Variants in ZKSCAN2 observed in about 807,000 individuals in gnomAD.
ZKSCAN2 encodes the protein zinc finger protein with KRAB and SCAN domains 2.
ZKSCAN2 carries 38 observed loss-of-function variants against 90.5 expected under a neutral mutation model. The observed-to-expected ratio is 0.42, with a 90% CI of 0.32 to 0.55. ZKSCAN2 has a LOEUF of 0.55. Ranked by LOEUF, ZKSCAN2 falls within the 20% of genes least tolerant of loss-of-function variation. ZKSCAN2 has a pLI of 0.11. For missense variants in ZKSCAN2, 1,167 were observed against 1,202.6 expected (o/e 0.97, Z 0.44); for synonymous variants, 429 against 421.6 (o/e 1.02, Z -0.22).
chr16:25,250,099 A>T (rs1962998633), intron 4 of ZKSCAN2, among the ~76,000 whole-genome samples: 1 of 152,226 alleles, frequency 6.6e-6, no homozygotes, highest in Admixed American at 6.5e-5. Context: ...TCACAAGGTC[A>T]GGAGTTCGAG....
rs948426600 is a variant in ZKSCAN2 at position 25,236,774 on chromosome 16, G to C, written c.*3042C>G. The C allele has an allele frequency of 2.3e-4, 35 of 152,186 alleles. No homozygotes were observed. Among genetic ancestry groups the C allele is most frequent in the African/African-American group, 8.0e-4 (33 of 41,440 alleles). 9.4% of individuals were successfully genotyped at this position (152,186 alleles called of 1,614,324 possible). A position where few individuals can be genotyped will look rare whatever the true frequency, so the allele number is the denominator to read the frequency against. On this transcript the variant is annotated 3_prime_UTR_variant, in exon 7 of 7. Coordinates refer to ENST00000328086, the MANE Select transcript of ZKSCAN2 (RefSeq NM_001012981.5). ...ATAACATCACTGGTAAGAACTGGAG[G>C]TATTTGTGGCAGTAACAAAGCAAGC...
intron 3 of ZKSCAN2, 107 bp from the exon 4 acceptor site, chr16:25,252,142 G>A (rs1963030777): frequency 7.8e-7 from 1 of 1,282,188 alleles, no homozygotes; most frequent in Non-Finnish European, 1.1e-6. Context: ...TGAAATCAAG[G>A]AACAAGTGGA....
intron 1 of ZKSCAN2, among the ~76,000 whole-genome samples, chr16:25,255,884 G>C (rs1963094248): frequency 6.6e-6 from 1 of 152,128 alleles, no homozygotes; most frequent in Non-Finnish European, 1.5e-5. Context: ...CGCCTGGCCA[G>C]AATAATATTT....
chr16:25,248,945 T>C (rs549170280), intron 4 of ZKSCAN2, among the ~76,000 whole-genome samples: 24 of 152,358 alleles, frequency 1.6e-4, no homozygotes, highest in Middle Eastern at 3.4e-3. Flanking sequence ...GGAATATTAT[T>C]CTGCCTTAAA....
rs1023947972 is a variant in ZKSCAN2 at position 25,237,058 on chromosome 16, C to A, written c.*2758G>T. 3 of 148,442 alleles carry A rather than the reference C, an allele frequency of 2.0e-5. No individual in the cohort carries two copies. Among genetic ancestry groups the A allele is most frequent in the African/African-American group, 7.8e-5 (3 of 38,572 alleles). The allele number at this position is 148,442 out of a possible 1,614,324, so 9.2% of individuals were successfully genotyped here. A position where few individuals can be genotyped will look rare whatever the true frequency, so the allele number is the denominator to read the frequency against. ...GTGTTTGTAATACATACATACAGAT[C>A]TACACACACATGTAGACGTGTGTGT... On this transcript the variant is annotated 3_prime_UTR_variant, in exon 7 of 7. Transcript: ENST00000328086.
At chr16:25,249,450 AT>A (rs1962986625) in intron 4 of ZKSCAN2, among the ~76,000 whole-genome samples, 1 of 152,048 alleles carries the variant, frequency 6.6e-6, no homozygotes, top group African/African-American at 2.4e-5. Context: ...CACCTGGCTA[AT>A]TTTTGTATTT....
At chr16:25,241,663 G>A (rs1042913489) in intron 6 of ZKSCAN2, among the ~76,000 whole-genome samples, 2 of 152,160 alleles carry the variant, frequency 1.3e-5, no homozygotes, top group Admixed American at 6.5e-5. Flanking sequence ...TTCACAAGCT[G>A]TGCAACTTAG....
chr16:25,257,450 C>G lies in ZKSCAN2; in HGVS notation c.-323G>C, dbSNP rs1247886021. The G allele has an allele frequency of 9.5e-7, 1 of 1,053,838 alleles. No homozygotes were observed. The allele number at this position is 1,053,838 out of a possible 1,614,324, so 65.3% of individuals were successfully genotyped here. ...ACGACTGGGAGAAAAATGAAGCAGG[C>G]TGAGGAAAGGCTGGGCGGAGGCGGA... On this transcript the variant is annotated 5_prime_UTR_variant, in exon 1 of 7. Coordinates refer to ENST00000328086, the MANE Select transcript of ZKSCAN2 (RefSeq NM_001012981.5).
chr16:25,240,651 G>T lies in ZKSCAN2; in HGVS notation c.2069C>A (p.Ser690Tyr), dbSNP rs766949580. The change falls in exon 7 of 7, where the codon TCT (serine) becomes TAT (tyrosine). Residue 690 changes from serine to tyrosine, a missense_variant. By Grantham distance (144) the Ser-to-Tyr change is moderately radical. Coordinates refer to ENST00000328086, the MANE Select transcript of ZKSCAN2 (RefSeq NM_001012981.5). ...MEQHRALIEKSKRVVSQSTDP... is the reference protein window; with the variant it reads ...MEQHRALIEKYKRVVSQSTDP... ...GGTACTCTGGGAAACAACTCTTTTA[G>T]ACTTTTCTATTAATGCCCTATGCTG... is the stretch of plus-strand genomic sequence containing the variant. 2 of 1,614,094 alleles carry T rather than the reference G, an allele frequency of 1.2e-6. No homozygotes were observed. The highest frequency in any genetic ancestry group is 1.1e-5 in the South Asian group (1 of 91,080).
Position 25,257,251 on chromosome 16 carries a change from G to A in ZKSCAN2, c.-124C>T. On this transcript the variant is annotated 5_prime_UTR_variant, in exon 1 of 7. Transcript: ENST00000328086. ...TACGGAGGTAAAAACGGCCAGGTCG[G>A]CAGGAACAGGGTATTCCAGGCTGAT... is the stretch of plus-strand genomic sequence containing the variant. 6.7e-7 allele frequency: 1 copy of A among 1,492,772 alleles called. No individual in the cohort carries two copies. Among genetic ancestry groups the A allele is most frequent in the Non-Finnish European group, 8.9e-7 (1 of 1,129,250 alleles). 92.5% of individuals were successfully genotyped at this position (1,492,772 alleles called of 1,614,324 possible). A position where few individuals can be genotyped will look rare whatever the true frequency, so the allele number is the denominator to read the frequency against.
At chr16:25,242,388 C>T (rs1336669924) in intron 6 of ZKSCAN2, among the ~76,000 whole-genome samples, 1 of 152,154 alleles carries the variant, frequency 6.6e-6, no homozygotes, top group Non-Finnish European at 1.5e-5. Context: ...CATATATATA[C>T]TAAGCTAGAG....
rs371494603 is a variant in ZKSCAN2 at position 25,242,322 on chromosome 16, G to A, written c.1981+1463C>T. On this transcript the variant is annotated intron_variant, in intron 6 of 6. Coordinates refer to ENST00000328086, the MANE Select transcript of ZKSCAN2 (RefSeq NM_001012981.5). ...AAGATTCACAAGGACTTTGTTTCCAGTTATCAAAGCCAGGGTTCTACAGGA... is the reference window on the plus strand; with the variant it reads ...AAGATTCACAAGGACTTTGTTTCCAATTATCAAAGCCAGGGTTCTACAGGA... 5.3e-5 allele frequency among the ~76,000 whole-genome samples: 8 copies of A among 152,324 alleles called. 1 individual carries two copies.
Position 25,251,932 on chromosome 16 carries a change from T to C in ZKSCAN2, c.782A>G (p.Asn261Ser). The change falls in exon 4 of 7, where the codon AAT becomes AGT. Residue 261 changes from asparagine to serine, a missense_variant. Coordinates refer to ENST00000328086, the MANE Select transcript of ZKSCAN2 (RefSeq NM_001012981.5). ...RDLYRDFRKE[N>S]VGNVVSLGSA... Reference sequence around the variant, plus strand: ...ACCCAGGGAGACCACGTTCCCAACATTCTCCTTCCTGAAATCCCGGTAGAG... The same window carrying C: ...ACCCAGGGAGACCACGTTCCCAACACTCTCCTTCCTGAAATCCCGGTAGAG... The C allele has an allele frequency of 6.2e-7, 1 of 1,614,154 alleles. No homozygotes were observed. The highest frequency in any genetic ancestry group is 8.5e-7 in the Non-Finnish European group (1 of 1,179,998).
intron 2 of ZKSCAN2, among the ~76,000 whole-genome samples, chr16:25,254,383 C>A (rs894085479): frequency 1.3e-5 from 2 of 152,204 alleles, no homozygotes; most frequent in Admixed American, 1.3e-4. Context: ...ATGTGCAGGG[C>A]AGCTATGAAT....
rs753440463 is a variant in ZKSCAN2, at chr16:25,240,673, G to T, written c.2047C>A (p.His683Asn). ...TTAGACTTTTCTATTAATGCCCTAT[G>T]CTGTTCCATGTCCTTATATACTATC... ...TQIVYKDMEQ[H>N]RALIEKSKRV... The change falls in exon 7 of 7, where the codon CAT (histidine) becomes AAT (asparagine). Residue 683 changes from histidine to asparagine, a missense_variant. By Grantham distance (68) the His-to-Asn change is moderately conservative. Coordinates refer to ENST00000328086, the MANE Select transcript of ZKSCAN2 (RefSeq NM_001012981.5). 3.1e-6 allele frequency: 5 copies of T among 1,614,082 alleles called. No homozygotes were observed. The highest frequency in any genetic ancestry group is 4.2e-6 in the Non-Finnish European group (5 of 1,179,998).
chr16:25,242,233 C>T (rs910222588), intron 6 of ZKSCAN2, among the ~76,000 whole-genome samples: 45 of 152,152 alleles, frequency 3.0e-4, no homozygotes, highest in Non-Finnish European at 4.0e-4. Context: ...GAAGTCACAA[C>T]CTAGGAGTTG....
intron 4 of ZKSCAN2, among the ~76,000 whole-genome samples, chr16:25,248,339 C>T (rs1387970702): frequency 1.2e-5 from 1 of 86,304 alleles, no homozygotes; most frequent in Non-Finnish European, 2.6e-5. Flanking sequence ...AAACAGTCAA[C>T]AAAGTGATGA....
intron 5 of ZKSCAN2, among the ~76,000 whole-genome samples, chr16:25,246,115 T>C (rs898460534): frequency 6.6e-6 from 1 of 152,214 alleles, no homozygotes; most frequent in African/African-American, 2.4e-5. Flanking sequence ...ATATTTAAGG[T>C]GGATCTCTTA....
Position 25,240,693 on chromosome 16 carries a change from A to G in ZKSCAN2, c.2027T>C (p.Val676Ala). ...SSIKEDPTQI[V>A]YKDMEQHRAL... ...CCTATGCTGTTCCATGTCCTTATAT[A>G]CTATCTGTGTTGGATCCTCCTTGAT... The change falls in exon 7 of 7, where the codon GTA becomes GCA. Residue 676 changes from valine to alanine, a missense_variant. By Grantham distance (64) the Val-to-Ala change is moderately conservative. Transcript: ENST00000328086. 6.2e-7 allele frequency: 1 copy of G among 1,613,968 alleles called. No homozygotes were observed. The highest frequency in any genetic ancestry group is 8.5e-7 in the Non-Finnish European group (1 of 1,179,900).
Sources: allele counts gnomAD v4.1 joint callset (sites outside exome capture counted in the v4.1 genomes callset), GRCh38; gene constraint gnomAD v4.1.1; transcripts MANE v1.5; gene names NCBI Gene and HGNC (gene_info 2026-07-23, HGNC 2026-07-21).